The following ARHGAP15 variants were observed in gnomAD, a reference collection of about 807,000 sequenced individuals.
ARHGAP15 encodes rho GTPase-activating protein 15.
A neutral mutation model predicts 63.7 loss-of-function variants in ARHGAP15; 51 were observed. The ratio of observed to expected loss-of-function variants is 0.80; its 90% CI spans 0.64 to 1.01. The LOEUF is 1.01. ARHGAP15 is among the 50% of genes least tolerant of loss of function. The probability of loss-of-function intolerance (pLI) is 0.00; values close to 1 mark genes in which losing one functional copy is unlikely to be tolerated. For synonymous variants in ARHGAP15, 191 were observed against 193.8 expected (o/e 0.99, Z 0.12); for missense variants, 560 against 564.6 (o/e 0.99, Z 0.08).
intron 10 of ARHGAP15, among the ~76,000 whole-genome samples, chr2:143,552,077 C>G (rs1244521533): frequency 2.6e-5 from 4 of 152,162 alleles, no homozygotes; most frequent in Non-Finnish European, 4.4e-5. Context: ...GCCAGAAGTT[C>G]AAAGTATTGC....
chr2:143,166,657 T>G (rs1690547632), intron 2 of ARHGAP15, among the ~76,000 whole-genome samples: 1 of 152,098 alleles, frequency 6.6e-6, no homozygotes. Flanking sequence ...CTTTACACTA[T>G]GCTTAAAAAT....
intron 8 of ARHGAP15, among the ~76,000 whole-genome samples, chr2:143,478,006 T>TA (rs1196393792): frequency 6.6e-6 from 1 of 152,176 alleles, no homozygotes; most frequent in East Asian, 1.9e-4. Context: ...AGGGCAGGGG[T>TA]AAAACTGAAA....
intron 9 of ARHGAP15, among the ~76,000 whole-genome samples, chr2:143,500,417 G>C (rs1293902819): frequency 2.0e-5 from 3 of 151,882 alleles, no homozygotes; most frequent in Non-Finnish European, 2.9e-5. Flanking sequence ...ATTGTGCCTA[G>C]CTAGTATGTC....
At chr2:143,255,593 T>C (rs1680380104) in intron 6 of ARHGAP15, among the ~76,000 whole-genome samples, 1 of 151,384 alleles carries the variant, frequency 6.6e-6, no homozygotes, top group Non-Finnish European at 1.5e-5. Context: ...TTTATTAATG[T>C]GAAGATAATT....
At chr2:143,556,594 T>A in intron 11 of ARHGAP15, 109 bp downstream of exon 11, 3 of 756,546 alleles carry the variant, frequency 4.0e-6, no homozygotes, top group Non-Finnish European at 6.2e-6. Context: ...AACAGGAGAA[T>A]GTGAAAGTGG....
At chr2:143,258,045 A>G (rs1439167723) in intron 6 of ARHGAP15, among the ~76,000 whole-genome samples, 1 of 152,088 alleles carries the variant, frequency 6.6e-6, no homozygotes, top group Non-Finnish European at 1.5e-5. Flanking sequence ...AGAAAAAGGA[A>G]CAATTTAATC....
At chr2:143,455,145 C>A (rs1044875558) in intron 8 of ARHGAP15, among the ~76,000 whole-genome samples, 1 of 152,040 alleles carries the variant, frequency 6.6e-6, no homozygotes, top group African/African-American at 2.4e-5. Context: ...GTTCTGAGGG[C>A]TGCTGGTTGG....
intron 6 of ARHGAP15, among the ~76,000 whole-genome samples, chr2:143,275,802 T>TGG (rs2105065708): frequency 6.6e-6 from 1 of 152,346 alleles, no homozygotes; most frequent in African/African-American, 2.4e-5. Flanking sequence ...TTTGAAACAA[T>TGG]GGATAAGCCC....
At chr2:143,751,988 T>C (rs539474798) in intron 13 of ARHGAP15, among the ~76,000 whole-genome samples, 2 of 152,294 alleles carry the variant, frequency 1.3e-5, no homozygotes, top group South Asian at 4.1e-4. Flanking sequence ...TGATATATCA[T>C]TCAAATACAA....
At chr2:143,709,004 T>C (rs1228930907) in intron 13 of ARHGAP15, among the ~76,000 whole-genome samples, 1 of 152,192 alleles carries the variant, frequency 6.6e-6, no homozygotes, top group Admixed American at 6.5e-5. Flanking sequence ...TGGAATCTTA[T>C]CAACTACTTA....
chr2:143,453,505 A>G (rs1457432682), intron 8 of ARHGAP15, among the ~76,000 whole-genome samples: 1 of 152,076 alleles, frequency 6.6e-6, no homozygotes, highest in East Asian at 1.9e-4. Context: ...TAACGTTAGT[A>G]CAAGTATTTT....
chr2:143,720,804 T>G (rs1685018006), intron 13 of ARHGAP15, among the ~76,000 whole-genome samples: 2 of 152,208 alleles, frequency 1.3e-5, no homozygotes, highest in South Asian at 4.2e-4. Flanking sequence ...GCACGGTGGC[T>G]CACGCCTGTA....
intron 8 of ARHGAP15, among the ~76,000 whole-genome samples, chr2:143,443,781 A>G (rs1690007102): frequency 6.6e-6 from 1 of 152,192 alleles, no homozygotes. Flanking sequence ...TCAGAATAGT[A>G]TTATGCATGA....
intron 6 of ARHGAP15, among the ~76,000 whole-genome samples, chr2:143,276,201 T>G (rs1681539948): frequency 6.6e-6 from 1 of 152,244 alleles, no homozygotes; most frequent in Non-Finnish European, 1.5e-5. Flanking sequence ...GACCATTTAT[T>G]CAGCCCACCA....
At chr2:143,662,501 A>G (rs1170381650) in intron 12 of ARHGAP15, among the ~76,000 whole-genome samples, 1 of 143,934 alleles carries the variant, frequency 6.9e-6, no homozygotes, top group Non-Finnish European at 1.5e-5. Context: ...TCTAAAACGC[A>G]GAGTGCCTCT....
chr2:143,232,913 C>G (rs756538662), intron 5 of ARHGAP15, among the ~76,000 whole-genome samples: 3 of 151,082 alleles, frequency 2.0e-5, no homozygotes, highest in Non-Finnish European at 4.4e-5. Context: ...TTTTTCTTTT[C>G]TCTACTAGTT....
intron 11 of ARHGAP15, among the ~76,000 whole-genome samples, chr2:143,565,308 A>G (rs995857933): frequency 3.9e-5 from 6 of 152,160 alleles, no homozygotes; most frequent in Non-Finnish European, 8.8e-5. Context: ...GGGACCCTCT[A>G]TAAGAAAAAA....
chr2:143,455,721 T>G (rs1690617281), intron 8 of ARHGAP15, among the ~76,000 whole-genome samples: 2 of 152,112 alleles, frequency 1.3e-5, no homozygotes, highest in Non-Finnish European at 2.9e-5. Context: ...TAGCTCATAT[T>G]GAATTTTTTA....
intron 9 of ARHGAP15, among the ~76,000 whole-genome samples, chr2:143,500,990 C>G (rs547335048): frequency 6.6e-6 from 1 of 152,102 alleles, no homozygotes; most frequent in Non-Finnish European, 1.5e-5. Context: ...ATATAACACT[C>G]CTAACATGTC....
Sources: allele counts gnomAD v4.1 joint callset (sites outside exome capture counted in the v4.1 genomes callset), GRCh38; gene constraint gnomAD v4.1.1; transcripts MANE v1.5; gene names NCBI Gene and HGNC (gene_info 2026-07-23, HGNC 2026-07-21).